The following ZNF44 variants were observed in gnomAD, a reference collection of about 807,000 sequenced individuals.
ZNF44 encodes the protein zinc finger protein 44.
A neutral mutation model predicts 11.7 loss-of-function variants in ZNF44; 9 were observed. The observed-to-expected ratio is 0.77, with a 90% confidence interval of 0.46 to 1.35. The LOEUF (loss-of-function observed/expected upper bound fraction) is 1.35, where lower values mean the gene tolerates loss of function less well. Ranked by LOEUF, ZNF44 falls within the 40% of genes most tolerant of loss-of-function variation. The pLI is 0.00. For synonymous variants in ZNF44, 224 were observed against 242.7 expected, an observed-to-expected ratio of 0.92 and a Z score of 0.72; for missense variants, 696 against 743.1, an observed-to-expected ratio of 0.94 and a Z score of 0.74.
chr19:12,236,550 G>A (rs911266020), intron 1 of ZNF44, among the ~76,000 whole-genome samples: 1 of 152,180 alleles, frequency 6.6e-6, no homozygotes, highest in Non-Finnish European at 1.5e-5. Flanking sequence ...ACAGGTAATA[G>A]AAACCAGGCC....
intron 1 of ZNF44, among the ~76,000 whole-genome samples, chr19:12,281,803 G>GA (rs1463470910): frequency 4.6e-5 from 7 of 152,106 alleles, no homozygotes; most frequent in South Asian, 2.1e-4. Flanking sequence ...CCAATTCCTT[G>GA]AAAGACACTA....
downstream of ZNF44, chr19:12,247,219 A>G (rs1916792450): frequency 3.8e-6 from 4 of 1,066,242 alleles, no homozygotes; most frequent in African/African-American, 3.3e-5. Flanking sequence ...ATGAACTTTC[A>G]TATCAACTTT....
downstream of ZNF44, chr19:12,247,528 G>A (rs1289710467): frequency 1.5e-6 from 2 of 1,351,000 alleles, no homozygotes; most frequent in Admixed American, 4.0e-5. Context: ...CATTCATAAG[G>A]TTTCTCTCCA....
downstream of ZNF44, chr19:12,247,185 A>T: frequency 1.5e-6 from 1 of 647,334 alleles, no homozygotes; most frequent in Non-Finnish European, 2.1e-6. Context: ...TGTATTACTT[A>T]CATTCATGCA....
Position 12,273,104 on chromosome 19 carries a change from ATG to A in ZNF44, c.1149_1150del (p.Met384AspfsTer10), listed in dbSNP as rs2145723006. 1 of 1,613,782 alleles carries A rather than the reference ATG, an allele frequency of 6.2e-7. No individual in the cohort carries two copies. Among genetic ancestry groups the A allele is most frequent in the Non-Finnish European group, 8.5e-7 (1 of 1,179,872 alleles). On this transcript the variant is annotated frameshift_variant, in exon 4 of 4. Coordinates refer to ENST00000355684, the MANE Select transcript of ZNF44 (RefSeq NM_016264.4). LOFTEE classifies it low-confidence loss of function (END_TRUNC). ...AGGGCCATCTCCAGTGTGTGCCATC[ATG>A]TGTCTTCGAAAGCTTGAGCGATGAG...
upstream of ZNF44, among the ~76,000 whole-genome samples, chr19:12,242,070 G>A (rs1916636650): frequency 6.6e-6 from 1 of 152,052 alleles, no homozygotes; most frequent in African/African-American, 2.4e-5. Context: ...GTTGTTTAAT[G>A]GGTACCAATT....
At chr19:12,225,181 G>C (rs1437975226), downstream of ZNF44, 1 of 152,406 alleles carries the variant, frequency 6.6e-6, no homozygotes, top group Non-Finnish European at 1.5e-5. Flanking sequence ...AGGGGACAGA[G>C]AGTTCTCTGG....
chr19:12,257,893 C>A (rs1297798562), intron 5 of ZNF44, among the ~76,000 whole-genome samples: 1 of 151,430 alleles, frequency 6.6e-6, no homozygotes, highest in Non-Finnish European at 1.5e-5. Flanking sequence ...ATCACTTGAA[C>A]CCGGCTGGTG....
exon 8 of ZNF44, chr19:12,248,647 T>G: frequency 7.6e-7 from 1 of 1,310,618 alleles, no homozygotes; most frequent in South Asian, 1.2e-5. Flanking sequence ...CTACCTTCTT[T>G]ACTTTCACAG....
At chr19:12,225,483 G>C (rs1915877596), downstream of ZNF44, among the ~76,000 whole-genome samples, 1 of 152,094 alleles carries the variant, frequency 6.6e-6, no homozygotes, top group African/African-American at 2.4e-5. Context: ...GGCTGATATA[G>C]AAACAACATT....
In ZNF44 at chr19:12,290,797, G is replaced by T. The variant is rs149675735; in HGVS notation, c.3+3895C>A. On this transcript the variant is annotated intron_variant, in intron 1 of 3. Transcript: ENST00000355684. ...TTAGGCTGGGACACCTGCAGGGGAG[G>T]CTCCCCAGGAAGAACCAACTAAACT... Among the ~76,000 whole-genome samples the T allele has an allele frequency of 3.2e-3, 492 of 152,256 alleles. 3 individuals are homozygous for T. Among genetic ancestry groups the T allele is most frequent in the African/African-American group, 0.011 (464 of 41,552 alleles).
intron 1 of ZNF44, among the ~76,000 whole-genome samples, chr19:12,236,732 G>A (rs1386853431): frequency 6.6e-6 from 1 of 152,128 alleles, no homozygotes; most frequent in Non-Finnish European, 1.5e-5. Flanking sequence ...CCACATACTT[G>A]CTTTATCTTA....
intron 5 of ZNF44, among the ~76,000 whole-genome samples, chr19:12,263,099 T>TC (rs981749648): frequency 6.6e-6 from 1 of 151,666 alleles, no homozygotes; most frequent in Non-Finnish European, 1.5e-5. Flanking sequence ...TTTTTTTTTT[T>TC]CCGGAGACGG....
At chr19:12,239,804 A>T (rs1277927283), upstream of ZNF44, among the ~76,000 whole-genome samples, 1 of 150,318 alleles carries the variant, frequency 6.7e-6, no homozygotes. Context: ...GGAACTCCTG[A>T]CCTCGTGCTC....
intron 2 of ZNF44, among the ~76,000 whole-genome samples, chr19:12,233,698 A>C (rs1916258265): frequency 2.0e-5 from 3 of 152,178 alleles, no homozygotes; most frequent in Non-Finnish European, 4.4e-5. Context: ...GAAATTTGGA[A>C]TCTAGCTGAA....
At chr19:12,266,497 A>G (rs565919569) in intron 5 of ZNF44, among the ~76,000 whole-genome samples, 2 of 152,246 alleles carry the variant, frequency 1.3e-5, no homozygotes, top group African/African-American at 4.8e-5. Context: ...GACTGTTGGC[A>G]CGGCCCCGCC....
At chr19:12,225,367 T>C (rs983563736), downstream of ZNF44, 2 of 152,272 alleles carry the variant, frequency 1.3e-5, no homozygotes, top group African/African-American at 4.8e-5. Context: ...GGATGACCCA[T>C]GCTATCTATG....
chr19:12,251,199 T>C (rs1696743870), intron 5 of ZNF44, among the ~76,000 whole-genome samples: 1 of 151,910 alleles, frequency 6.6e-6, no homozygotes. Flanking sequence ...GGTGTGGTGG[T>C]GCATGCCTAT....
chr19:12,281,922 C>T (rs985310993), intron 1 of ZNF44, among the ~76,000 whole-genome samples: 8 of 152,112 alleles, frequency 5.3e-5, no homozygotes, highest in Non-Finnish European at 8.8e-5. Context: ...CAGGTCAGAA[C>T]GATTTCACTG....
Sources: allele counts gnomAD v4.1 joint callset (sites outside exome capture counted in the v4.1 genomes callset), GRCh38; gene constraint gnomAD v4.1.1; transcripts MANE v1.5; gene names NCBI Gene and HGNC (gene_info 2026-07-23, HGNC 2026-07-21).